KIFAP3: variants seen among roughly 807,000 people sequenced by gnomAD.
The protein encoded by KIFAP3 is kinesin-associated protein 3.
Under a neutral mutation model 106.5 loss-of-function variants are expected in KIFAP3, and 68 were observed. The ratio of observed to expected loss-of-function variants is 0.64; its 90% CI spans 0.53 to 0.78. The LOEUF (loss-of-function observed/expected upper bound fraction) is 0.78. Ranked by LOEUF, KIFAP3 falls within the 30% of genes least tolerant of loss-of-function variation. KIFAP3 has a pLI of 0.00. For synonymous variants in KIFAP3, 320 were observed against 311.5 expected, an observed-to-expected ratio of 1.03 and a Z score of -0.29; for missense variants, 780 against 941.8, an observed-to-expected ratio of 0.83 and a Z score of 2.25.
At chr1:169,960,580 C>T (rs1041856832) in intron 18 of KIFAP3, among the ~76,000 whole-genome samples, 4 of 151,964 alleles carry the variant, frequency 2.6e-5, no homozygotes, top group African/African-American at 9.7e-5. Flanking sequence ...TCTAAAGTGC[C>T]TAAATCGTCC....
chr1:170,007,460 G>C (rs1399506124), intron 10 of KIFAP3, among the ~76,000 whole-genome samples: 1 of 151,952 alleles, frequency 6.6e-6, no homozygotes, highest in Non-Finnish European at 1.5e-5. Context: ...GGGAAGAAAA[G>C]AAATAACATG....
intron 16 of KIFAP3, among the ~76,000 whole-genome samples, chr1:169,977,773 A>G (rs1666303441): frequency 6.6e-6 from 1 of 152,104 alleles, no homozygotes; most frequent in South Asian, 2.1e-4. Context: ...TAAGATTAGA[A>G]AAGAACCAAG....
chr1:170,074,941 G>C (rs984587081), upstream of KIFAP3, among the ~76,000 whole-genome samples: 1 of 152,216 alleles, frequency 6.6e-6, no homozygotes, highest in Non-Finnish European at 1.5e-5. Flanking sequence ...GTTAGCGAAT[G>C]CTATACAGCA....
At position 170,012,141 on chromosome 1, in the gene KIFAP3, T is replaced by C. The variant is rs369757117; in HGVS notation, c.1183+4321A>G. On this transcript the variant is annotated intron_variant, in intron 10 of 19. Coordinates refer to ENST00000361580, the MANE Select transcript of KIFAP3 (RefSeq NM_014970.4). ...GTCAGTTTCCAAGACCACAAGAGAA[T>C]AGAAATAGATTATTATAGAAAAGAA... 9.9e-5 allele frequency among the ~76,000 whole-genome samples: 15 copies of C among 152,106 alleles called. No homozygotes were observed. The East Asian group carries it at 1.9e-3, about 20-fold the overall frequency.
chr1:169,939,031 T>C (rs753962379), intron 19 of KIFAP3, among the ~76,000 whole-genome samples: 1 of 152,190 alleles, frequency 6.6e-6, no homozygotes, highest in Non-Finnish European at 1.5e-5. Flanking sequence ...AAGAAATTTG[T>C]ATTTTATTAC....
chr1:169,977,344 C>T (rs527312775), intron 16 of KIFAP3, among the ~76,000 whole-genome samples: 14 of 152,006 alleles, frequency 9.2e-5, no homozygotes, highest in South Asian at 2.1e-4. Flanking sequence ...CCTTTGGATG[C>T]GAGAATGATA....
chr1:169,980,539 G>A (rs1666463859), intron 15 of KIFAP3, among the ~76,000 whole-genome samples: 1 of 152,108 alleles, frequency 6.6e-6, no homozygotes, highest in Admixed American at 6.6e-5. Flanking sequence ...ATAAACCACT[G>A]CAGCTAATTA....
chr1:170,049,277 C>T (rs1368407035), intron 2 of KIFAP3, among the ~76,000 whole-genome samples: 1 of 152,216 alleles, frequency 6.6e-6, no homozygotes, highest in African/African-American at 2.4e-5. Context: ...CTCTATATGC[C>T]TCCTCACTGG....
upstream of KIFAP3, among the ~76,000 whole-genome samples, chr1:170,077,234 G>A (rs886239471): frequency 3.9e-5 from 6 of 152,152 alleles, no homozygotes; most frequent in Non-Finnish European, 7.4e-5. Context: ...GGCCAAACAA[G>A]GGAATAAAAT....
In KIFAP3 at chr1:170,074,684, C is replaced by A. The variant is rs1437317691; in HGVS notation, c.-217G>T. 1.4e-6 allele frequency: 2 copies of A among 1,415,890 alleles called. No homozygotes were observed. The highest frequency in any genetic ancestry group is 1.8e-6 in the Non-Finnish European group (2 of 1,084,740). 87.7% of individuals were successfully genotyped at this position (1,415,890 alleles called of 1,614,324 possible). On this transcript the variant is annotated 5_prime_UTR_variant, in exon 1 of 20. Coordinates refer to ENST00000361580, the MANE Select transcript of KIFAP3 (RefSeq NM_014970.4). ...AAACACTGGAGCGGCCCAGACCCGC[C>A]CAGAGTCGCCTAAGCCGGGCCGTCA...
intron 2 of KIFAP3, among the ~76,000 whole-genome samples, chr1:170,048,865 A>C (rs1670419388): frequency 6.6e-6 from 1 of 151,956 alleles, no homozygotes; most frequent in African/African-American, 2.4e-5. Flanking sequence ...AGCCTATAAC[A>C]CCTGGGCCCT....
chr1:170,046,976 T>G, intron 2 of KIFAP3, 110 bp from the exon 3 acceptor site: 3 of 536,402 alleles, frequency 5.6e-6, no homozygotes, highest in African/African-American at 2.0e-5. Flanking sequence ...AACCTGGCCA[T>G]AGACTCTTAG....
chr1:169,973,122 T>TATATATATATATATATATATATATATAA (rs1337198179), intron 16 of KIFAP3, among the ~76,000 whole-genome samples: 7 of 138,584 alleles, frequency 5.1e-5, no homozygotes, highest in South Asian at 2.5e-4. Flanking sequence ...TATATATATA[T>TATATATATATATATATATATATATATAA]AAACAACACA....
intron 10 of KIFAP3, among the ~76,000 whole-genome samples, chr1:170,000,381 AG>A (rs1667601288): frequency 6.6e-6 from 1 of 152,180 alleles, no homozygotes; most frequent in African/African-American, 2.4e-5. Flanking sequence ...ATATTAGGAT[AG>A]AATAGCATTA....
intron 19 of KIFAP3, among the ~76,000 whole-genome samples, chr1:169,953,594 A>T (rs1358063344): frequency 6.6e-6 from 1 of 151,842 alleles, no homozygotes; most frequent in Non-Finnish European, 1.5e-5. Flanking sequence ...GGCTCACTGT[A>T]AGCTCCGCCT....
intron 11 of KIFAP3, among the ~76,000 whole-genome samples, chr1:169,991,086 C>T (rs1405029402): frequency 6.6e-6 from 1 of 151,920 alleles, no homozygotes; most frequent in African/African-American, 2.4e-5. Context: ...TACTTGCAAT[C>T]CCAGCACTTT....
chr1:169,981,855 C>T (rs1362280966), intron 15 of KIFAP3, 117 bp downstream of exon 15: 4 of 773,700 alleles, frequency 5.2e-6, no homozygotes, highest in Non-Finnish European at 2.0e-6. Context: ...ATATAAGTTG[C>T]TATGAAACAA....
intron 19 of KIFAP3, among the ~76,000 whole-genome samples, chr1:169,944,183 G>A (rs947954236): frequency 1.1e-4 from 2 of 18,260 alleles, no homozygotes; most frequent in Non-Finnish European, 1.6e-4. Flanking sequence ...GTGGAGCGGC[G>A]AGGTTGTGTG....
chr1:170,044,717 T>C (rs1376923669), intron 3 of KIFAP3, among the ~76,000 whole-genome samples: 2 of 152,130 alleles, frequency 1.3e-5, no homozygotes, highest in Non-Finnish European at 2.9e-5. Context: ...GGAGCCTCTT[T>C]TTCCCCAGGA....
Sources: gnomAD v4.1 joint callset for allele counts (sites outside exome capture counted in the v4.1 genomes callset) on GRCh38, gnomAD v4.1.1 for gene constraint, MANE v1.5 for transcripts, NCBI Gene and HGNC (gene_info 2026-07-23, HGNC 2026-07-21) for gene names.